ESPN: variants seen among roughly 807,000 people sequenced by gnomAD.
ESPN encodes the protein autosomal recessive deafness type 36 protein.
ESPN carries 68 observed loss-of-function variants against 77.7 expected under a neutral mutation model. The observed-to-expected ratio is 0.87, with a 90% confidence interval of 0.72 to 1.07. The LOEUF is 1.07. Among genes scored for constraint, ESPN ranks in the 50% least tolerant of loss-of-function variants. The pLI, the probability that ESPN is intolerant of heterozygous loss-of-function variation, is 0.00. For synonymous variants in ESPN, 449 were observed against 567.1 expected (o/e 0.79, Z 2.96); for missense variants, 1,060 against 1,239.0 (o/e 0.86, Z 2.17).
chr1:6,427,937 G>A lies in ESPN; in HGVS notation c.295-289G>A, dbSNP rs1002803020. 4.6e-5 allele frequency among the ~76,000 whole-genome samples: 7 copies of A among 152,224 alleles called. No individual in the cohort carries two copies. The highest frequency in any genetic ancestry group is 2.1e-4 in the South Asian group (1 of 4,836). ...CTGCCGTGACAACCAGGTGCCTGTC[G>A]TGTAGGCAGCTCGCAGTCAGGACCT... On this transcript the variant is annotated intron_variant, in intron 1 of 12. Transcript: ENST00000645284. This position sits in a 1 kb window ranked among gnomAD's most constrained non-coding sequence, Gnocchi z 4.6.
In ESPN at chr1:6,440,627, T is replaced by A; in HGVS notation, c.677T>A (p.Val226Glu). 1.2e-6 allele frequency: 1 copy of A among 806,834 alleles called. No individual in the cohort carries two copies. Among genetic ancestry groups the A allele is most frequent in the Non-Finnish European group, 1.8e-6 (1 of 562,834 alleles). The allele number at this position is 806,834 out of a possible 1,614,324, so 50.0% of individuals were successfully genotyped here. Reference protein sequence around the residue: ...MGHSPVIVWLVSCTDVSLSEQ... With the variant: ...MGHSPVIVWLESCTDVSLSEQ... ...CCTCTCCCCGCCCGTCCCGCCCAGG[T>A]GAGCTGCACCGACGTGAGCCTGTCC... is the stretch of plus-strand genomic sequence containing the variant. Residue 226 changes from valine to glutamate, a missense_variant and splice_region_variant, in exon 4 of 13, where the codon GTG becomes GAG. Transcript: ENST00000645284.
rs755851791 is a variant in ESPN, at chr1:6,448,987, C to G, written c.1811C>G (p.Pro604Arg). 1.4e-6 allele frequency: 2 copies of G among 1,441,232 alleles called. No individual in the cohort carries two copies. The highest frequency in any genetic ancestry group is 1.5e-5 in the African/African-American group (1 of 67,094). The allele number at this position is 1,441,232 out of a possible 1,614,324, so 89.3% of individuals were successfully genotyped here. The change falls in exon 8 of 13, where the codon CCG becomes CGG. Residue 604 changes from proline to arginine, a missense_variant. This residue lies in a region of ESPN where 374 missense variants were observed against 381.4 expected (regional missense o/e 0.98). Transcript: ENST00000645284. ...CCACCGCCGCCCCCACCGCCGCCGC[C>G]GCCCCTGCCGGAGGCCGCGAGTTCG... ...ELPPPPPPPPPPLPEAASSPP... is the reference protein window; with the variant it reads ...ELPPPPPPPPRPLPEAASSPP...
chr1:6,428,355 A>G lies in ESPN; in HGVS notation c.424A>G (p.Ile142Val), dbSNP rs1209837994. 5 of 1,612,868 alleles carry G rather than the reference A, an allele frequency of 3.1e-6. No individual in the cohort carries two copies. Among genetic ancestry groups the G allele is most frequent in the Non-Finnish European group, 4.2e-6 (5 of 1,179,920 alleles). ...GGCCACAGACATGGGCGCCCTGCCT[A>G]TCCACTACGCTGCCGCCAAAGGAGA... ...TAATDMGALPIHYAAAKGDFP... is the reference protein window; with the variant it reads ...TAATDMGALPVHYAAAKGDFP... The change falls in exon 2 of 13, where the codon ATC (isoleucine) becomes GTC (valine). Residue 142 changes from isoleucine (I) to valine (V), a missense_variant. This residue lies in a region of ESPN where 556 missense variants were observed against 633.6 expected (regional missense o/e 0.88). Transcript: ENST00000645284. This position sits in a 1 kb window ranked among gnomAD's most constrained non-coding sequence, Gnocchi z 5.4.
rs904402440 is a variant in ESPN, at chr1:6,448,917, G to C, written c.1741G>C (p.Val581Leu). The C allele has an allele frequency of 7.2e-7, 1 of 1,383,538 alleles. No individual in the cohort carries two copies. Among genetic ancestry groups the C allele is most frequent in the African/African-American group, 1.5e-5 (1 of 65,756 alleles). The allele number at this position is 1,383,538 out of a possible 1,614,324, so 85.7% of individuals were successfully genotyped here. Residue 581 changes from valine to leucine, a missense_variant, in exon 8 of 13, where the codon GTT (valine) becomes CTT (leucine). Transcript: ENST00000645284. ...PQAALLPGNHVPNGCAADPKA... is the reference protein window; with the variant it reads ...PQAALLPGNHLPNGCAADPKA... ...GGCGGCGCTGCTTCCTGGGAACCAT[G>C]TTCCTAACGGCTGCGCCGCGGACCC...
intron 10 of ESPN, among the ~76,000 whole-genome samples, chr1:6,452,337 T>TGGGATTACA (rs2148539975): frequency 6.6e-6 from 1 of 152,244 alleles, no homozygotes; most frequent in East Asian, 1.9e-4. Flanking sequence ...CCCAGGTAGC[T>TGGGATTACA]GGGATTACAG....
At chr1:6,459,324 G>A (rs534942431) in intron 12 of ESPN, among the ~76,000 whole-genome samples, 2 of 151,818 alleles carry the variant, frequency 1.3e-5, no homozygotes, top group African/African-American at 4.8e-5. Flanking sequence ...GGAGGATTAC[G>A]TGAGCCCAGG....
intron 10 of ESPN, among the ~76,000 whole-genome samples, chr1:6,453,488 C>T (rs1057040326): frequency 3.9e-5 from 6 of 152,250 alleles, no homozygotes; most frequent in East Asian, 3.9e-4. Context: ...ACTTGGAAGA[C>T]GAGTGAGGGG....
At chr1:6,441,585 T>A (rs1643638913) in intron 5 of ESPN, among the ~76,000 whole-genome samples, 1 of 152,224 alleles carries the variant, frequency 6.6e-6, no homozygotes, top group Admixed American at 6.5e-5. Flanking sequence ...CACGCTACTC[T>A]TTTTAAATTA....
intron 8 of ESPN, among the ~76,000 whole-genome samples, chr1:6,449,931 C>T (rs1203980511): frequency 2.0e-5 from 3 of 152,150 alleles, no homozygotes; most frequent in Non-Finnish European, 4.4e-5. Flanking sequence ...TGGCACCCCT[C>T]AAAGCTTCAT....
At chr1:6,455,300 G>C (rs1423635139) in intron 10 of ESPN, 6 of 387,246 alleles carry the variant, frequency 1.5e-5, no homozygotes, top group Non-Finnish European at 2.3e-5. Context: ...TCTTCCTGGA[G>C]CACTGGCGCC....
chr1:6,435,392 G>A (rs1047491040), intron 2 of ESPN, among the ~76,000 whole-genome samples: 1 of 152,228 alleles, frequency 6.6e-6, no homozygotes, highest in Non-Finnish European at 1.5e-5. Flanking sequence ...AGTCTCCGCC[G>A]GAGATTCCCA....
chr1:6,458,606 G>A (rs543420186), intron 12 of ESPN, among the ~76,000 whole-genome samples: 3 of 151,638 alleles, frequency 2.0e-5, no homozygotes, highest in African/African-American at 7.2e-5. Flanking sequence ...GTAAGCCTTC[G>A]CACCAGGCCT....
At chr1:6,439,218 A>G (rs1445401834) in intron 2 of ESPN, among the ~76,000 whole-genome samples, 3 of 152,242 alleles carry the variant, frequency 2.0e-5, no homozygotes, top group African/African-American at 7.2e-5. Flanking sequence ...TGCCAGATTA[A>G]CAAAAACAGC....
chr1:6,456,004 C>T (rs1165955471), intron 10 of ESPN: 7 of 398,316 alleles, frequency 1.8e-5, no homozygotes, highest in Non-Finnish European at 3.1e-5. Flanking sequence ...GCCCCTGCGC[C>T]GCAGCCGCCG....
chr1:6,425,241 A>G lies in ESPN; in HGVS notation c.286A>G (p.Arg96Gly). The change falls in exon 1 of 13, where the codon AGA becomes GGA. Residue 96 changes from arginine to glycine, a missense_variant. This residue lies in a region of ESPN where 556 missense variants were observed against 633.6 expected (regional missense o/e 0.88). Coordinates refer to ENST00000645284, the MANE Select transcript of ESPN (RefSeq NM_031475.3). ...GTGGCTGCTGTCGCAGGGCGGCTGC[A>G]GAGTGCAGGTGGGTCCGCGCGGTTC... is the stretch of plus-strand genomic sequence containing the variant. The part of the protein sequence containing the change: ...LQWLLSQGGC[R>G]VQDKDNSGAT... The G allele has an allele frequency of 6.4e-7, 1 of 1,567,126 alleles. No homozygotes were observed.
At chr1:6,449,219 C>T (rs1643905249) in intron 8 of ESPN, 128 bp downstream of exon 8, 1 of 987,938 alleles carries the variant, frequency 1.0e-6, no homozygotes, top group Admixed American at 4.0e-5. Flanking sequence ...TTCCGGCCAC[C>T]CCTACCCCAT....
chr1:6,428,569 T>G lies in ESPN; in HGVS notation c.488+150T>G. ...CAGAGGGCCAGGCCAGAGAAATGGC[T>G]CCCACTCAACATGAAATTTTCCCCT... On this transcript the variant is annotated intron_variant, in intron 2 of 12. Coordinates refer to ENST00000645284, the MANE Select transcript of ESPN (RefSeq NM_031475.3). This position sits in a 1 kb window ranked among gnomAD's most constrained non-coding sequence, Gnocchi z 5.4. The G allele has an allele frequency of 2.8e-6, 2 of 720,408 alleles. No individual in the cohort carries two copies. The highest frequency in any genetic ancestry group is 3.9e-5 in the South Asian group (2 of 50,856). 44.6% of individuals were successfully genotyped at this position (720,408 alleles called of 1,614,324 possible).
At chr1:6,443,326 GA>G in intron 5 of ESPN, among the ~76,000 whole-genome samples, 1 of 152,360 alleles carries the variant, frequency 6.6e-6, no homozygotes. Flanking sequence ...GTAAGTCAGG[GA>G]GGGGAAGTCT....
Position 6,448,720 on chromosome 1 carries a change from G to A in ESPN, c.1544G>A (p.Ser515Asn). The A allele has an allele frequency of 6.6e-7, 1 of 1,504,460 alleles. No individual in the cohort carries two copies. The highest frequency in any genetic ancestry group is 2.7e-5 in the East Asian group (1 of 36,482). The allele number at this position is 1,504,460 out of a possible 1,614,324, so 93.2% of individuals were successfully genotyped here. ...CCCCGCGCCTTCAGCAAGCAGCCCA[G>A]CACGGGGGACTACTACCGGCAGCTG... The part of the protein sequence containing the change: ...RKPRAFSKQP[S>N]TGDYYRQLGR... The change falls in exon 8 of 13, where the codon AGC becomes AAC. Residue 515 changes from serine to asparagine, a missense_variant. Physicochemically the swap from Ser to Asn is conservative, Grantham distance 46 (BLOSUM62 1). Transcript: ENST00000645284.
Sources: allele counts gnomAD v4.1 joint callset (sites outside exome capture counted in the v4.1 genomes callset), GRCh38; gene constraint gnomAD v4.1.1; regional missense constraint gnomAD v4.1.1; non-coding constraint Gnocchi (gnomAD v3.1); transcripts MANE v1.5; gene names NCBI Gene and HGNC (gene_info 2026-07-23, HGNC 2026-07-21).